Variants in SCAMP4 observed in about 807,000 individuals in gnomAD.
The protein encoded by SCAMP4 is secretory carrier-associated membrane protein 4.
SCAMP4 carries 19 observed loss-of-function variants against 32.1 expected under a neutral mutation model. The observed-to-expected ratio is 0.59, with a 90% CI of 0.41 to 0.87. The LOEUF (loss-of-function observed/expected upper bound fraction) is 0.87. Among genes scored for constraint, SCAMP4 ranks in the 40% least tolerant of loss-of-function variants. The pLI is 0.00. For synonymous variants in SCAMP4, 152 were observed against 132.7 expected (o/e 1.15, Z -1.00); for missense variants, 302 against 309.0 (o/e 0.98, Z 0.17).
At chr19:1,907,711 C>G (rs960208959) in intron 1 of SCAMP4, among the ~76,000 whole-genome samples, 1 of 152,136 alleles carries the variant, frequency 6.6e-6, no homozygotes, top group African/African-American at 2.4e-5. Context: ...CCGTGTTCTG[C>G]TGGGACCTGG....
intron 1 of SCAMP4, among the ~76,000 whole-genome samples, chr19:1,909,372 C>G (rs745514139): frequency 6.6e-6 from 1 of 152,224 alleles, no homozygotes; most frequent in Non-Finnish European, 1.5e-5. Flanking sequence ...AGGCTCCCTT[C>G]TAATGGGCGG....
chr19:1,910,931 A>T (rs1257438254), intron 1 of SCAMP4, among the ~76,000 whole-genome samples: 1 of 150,810 alleles, frequency 6.6e-6, no homozygotes, highest in Admixed American at 6.6e-5. Context: ...CAGTGGCGCG[A>T]TCTCGGCTCA....
At chr19:1,916,561 C>T (rs544542593) in intron 2 of SCAMP4, among the ~76,000 whole-genome samples, 2 of 152,246 alleles carry the variant, frequency 1.3e-5, no homozygotes, top group East Asian at 1.9e-4. Flanking sequence ...TGGGTTCAAG[C>T]GATCCTCCTG....
chr19:1,913,077 G>A (rs773656522), intron 1 of SCAMP4: 8 of 1,601,346 alleles, frequency 5.0e-6, no homozygotes, highest in African/African-American at 1.3e-5. Context: ...CGCACGGCCC[G>A]ACCTCAACCA....
At chr19:1,911,165 G>A (rs76060398) in intron 1 of SCAMP4, among the ~76,000 whole-genome samples, 2,684 of 151,902 alleles carry the variant, frequency 0.018, 72 homozygotes, top group African/African-American at 0.059. Context: ...GTGAGCCACC[G>A]TGCCCGGGTT....
At chr19:1,920,276 T>C (rs2013876951) in intron 5 of SCAMP4, 8 of 985,196 alleles carry the variant, frequency 8.1e-6, no homozygotes, top group Non-Finnish European at 9.6e-6. Flanking sequence ...GTGCCTTTGG[T>C]TTCCTGGGCT....
intron 1 of SCAMP4, chr19:1,913,202 C>G: frequency 6.8e-7 from 1 of 1,461,358 alleles, no homozygotes; most frequent in South Asian, 1.4e-5. Flanking sequence ...GTGGGGCGCC[C>G]CTCCTGGACT....
At chr19:1,923,726 C>G (rs924284596) in intron 6 of SCAMP4, among the ~76,000 whole-genome samples, 4 of 144,606 alleles carry the variant, frequency 2.8e-5, no homozygotes, top group African/African-American at 1.0e-4. Context: ...TCATGCCATT[C>G]TCCTGCCTCA....
intron 1 of SCAMP4, among the ~76,000 whole-genome samples, chr19:1,907,500 G>A (rs1441979711): frequency 1.3e-5 from 2 of 152,136 alleles, no homozygotes; most frequent in Non-Finnish European, 2.9e-5. Context: ...AATTGACCGC[G>A]CTGGGCTGAA....
chr19:1,916,697 G>A (rs199776654), intron 2 of SCAMP4, among the ~76,000 whole-genome samples: 2 of 152,050 alleles, frequency 1.3e-5, no homozygotes, highest in East Asian at 3.9e-4. Flanking sequence ...GGCTCCAGCA[G>A]CCCTCCTGCC....
intron 5 of SCAMP4, 95 bp from the exon 6 acceptor site, chr19:1,922,975 G>C: frequency 7.1e-7 from 1 of 1,412,798 alleles, no homozygotes; most frequent in Admixed American, 2.9e-5. Flanking sequence ...TTGTTGATTG[G>C]CCAGAGCTCT....
rs1555840379 is a variant in SCAMP4 at position 1,923,637 on chromosome 19, T to TTTTA, written c.513+450_513+451insTTTA. Reference sequence around the variant, plus strand: ...ATGCTTTTTTTTTTTTTTTTTTTTTTAGACAGAGTCTCGCTCTGTCACCCA... The same window carrying TTTTA: ...ATGCTTTTTTTTTTTTTTTTTTTTTTTTTAAGACAGAGTCTCGCTCTGTCACCCA... On this transcript the variant is annotated intron_variant, in intron 6 of 6. Transcript: ENST00000316097. Among the ~76,000 whole-genome samples the TTTTA allele has an allele frequency of 4.7e-3, 698 of 148,610 alleles. 15 individuals are homozygous for TTTTA. The highest frequency in any genetic ancestry group is 0.016 in the African/African-American group (623 of 39,856).
chr19:1,923,857 C>A (rs1348828809), intron 6 of SCAMP4, among the ~76,000 whole-genome samples: 1 of 104,074 alleles, frequency 9.6e-6, no homozygotes, highest in Non-Finnish European at 1.7e-5. Flanking sequence ...AATCTCCTGA[C>A]CTCGTGATCC....
intron 1 of SCAMP4, chr19:1,912,666 G>T: frequency 7.0e-7 from 1 of 1,437,160 alleles, no homozygotes; most frequent in South Asian, 1.4e-5. Context: ...AGCAGCGCGG[G>T]GCTTGCGGGC....
At chr19:1,919,224 GCTCGCCCTGGCAGTGCCTGCGTC>G (rs2013839672) in intron 5 of SCAMP4, 1 of 1,380,762 alleles carries the variant, frequency 7.2e-7, no homozygotes, top group Non-Finnish European at 9.4e-7. Context: ...AGGGGTCCGA[GCTCGCCCTGGCAGTGCCTGCGTC>G]CTCGCCAGCG....
chr19:1,917,586 A>C, intron 2 of SCAMP4, 108 bp from the exon 3 acceptor site: 1 of 1,246,402 alleles, frequency 8.0e-7, no homozygotes, highest in Non-Finnish European at 1.1e-6. Flanking sequence ...CCAACTGCAG[A>C]GTCCCTTCTG....
At chr19:1,907,383 C>A (rs1156731832) in intron 1 of SCAMP4, among the ~76,000 whole-genome samples, 3 of 139,516 alleles carry the variant, frequency 2.2e-5, no homozygotes, top group African/African-American at 8.8e-5. Context: ...TACCTGACAG[C>A]CCTGCCTTAA....
chr19:1,919,190 G>A (rs1038200926), intron 5 of SCAMP4, 200 bp downstream of exon 5: 54 of 1,419,920 alleles, frequency 3.8e-5, no homozygotes, highest in South Asian at 8.9e-5. Context: ...GCCATGGTTC[G>A]CGATTGTAGG....
At chr19:1,912,196 A>G in intron 1 of SCAMP4, 1 of 1,587,102 alleles carries the variant, frequency 6.3e-7, no homozygotes, top group African/African-American at 1.3e-5. Context: ...GTCCTGTCCG[A>G]GAAGCAGTCA....
Sources: allele counts gnomAD v4.1 joint callset (sites outside exome capture counted in the v4.1 genomes callset), GRCh38; gene constraint gnomAD v4.1.1; transcripts MANE v1.5; gene names NCBI Gene and HGNC (gene_info 2026-07-23, HGNC 2026-07-21).